ASH2L: variants seen among roughly 807,000 people sequenced by gnomAD.
The protein encoded by ASH2L is ASH2 like, histone lysine methyltransferase complex subunit.
A neutral mutation model predicts 81.1 loss-of-function variants in ASH2L; 30 were observed. The ratio of observed to expected loss-of-function variants is 0.37; its 90% CI spans 0.28 to 0.50. ASH2L has a LOEUF of 0.50. Among genes scored for constraint, ASH2L ranks in the 20% least tolerant of loss-of-function variants. The pLI, the probability that ASH2L is intolerant of heterozygous loss-of-function variation, is 0.95. For missense variants in ASH2L, 559 were observed against 792.1 expected (o/e 0.71, Z 3.53); for synonymous variants, 273 against 279.9 (o/e 0.98, Z 0.24).
chr8:38,112,886 C>T (rs935386257), intron 5 of ASH2L, among the ~76,000 whole-genome samples: 1 of 151,898 alleles, frequency 6.6e-6, no homozygotes, highest in East Asian at 1.9e-4. Context: ...AAATAACTTT[C>T]CCTCATTCTT....
intron 10 of ASH2L, among the ~76,000 whole-genome samples, chr8:38,123,817 A>G (rs1801725346): frequency 6.6e-6 from 1 of 152,094 alleles, no homozygotes; most frequent in Non-Finnish European, 1.5e-5. Flanking sequence ...CAGTACATGT[A>G]TATATTCTTT....
At chr8:38,106,083 A>C (rs534369352) in intron 1 of ASH2L, 4 of 1,524,360 alleles carry the variant, frequency 2.6e-6, no homozygotes, top group Non-Finnish European at 3.5e-6. Context: ...TCACTCTGAA[A>C]ACAGGGTGGG....
At chr8:38,124,832 G>A (rs1306765900) in intron 10 of ASH2L, among the ~76,000 whole-genome samples, 5 of 152,210 alleles carry the variant, frequency 3.3e-5, no homozygotes, top group Admixed American at 3.3e-4. Context: ...GAGGACTTGA[G>A]GCTGGGTAAT....
chr8:38,107,862 ACATATATGTGTGTGTGTG>A (rs1362371241), intron 3 of ASH2L, among the ~76,000 whole-genome samples: 18 of 127,022 alleles, frequency 1.4e-4, no homozygotes, highest in African/African-American at 5.4e-4. Flanking sequence ...GTGAAGAAAT[ACATATATGTGTGTGTGTG>A]TGTGTGTGTG....
intron 5 of ASH2L, among the ~76,000 whole-genome samples, chr8:38,111,616 A>G (rs993606928): frequency 3.5e-4 from 50 of 144,152 alleles, no homozygotes; most frequent in African/African-American, 1.1e-3. Context: ...GAACTCCCGT[A>G]CTCAAGTGAT....
In ASH2L at chr8:38,139,213, T is replaced by C. The variant is rs547857312; in HGVS notation, c.*142T>C. On this transcript the variant is annotated 3_prime_UTR_variant, in exon 16 of 16. Coordinates refer to ENST00000343823, the MANE Select transcript of ASH2L (RefSeq NM_004674.5). ...AGCAAGTTAAAAGGCTGGGTAGGACTGCGGGAGACTGCCTGCCTTTCACCA... is the reference window on the plus strand; with the variant it reads ...AGCAAGTTAAAAGGCTGGGTAGGACCGCGGGAGACTGCCTGCCTTTCACCA... 1.6e-6 allele frequency: 1 copy of C among 630,258 alleles called. No homozygotes were observed. Among genetic ancestry groups the C allele is most frequent in the South Asian group, 2.4e-5 (1 of 42,212 alleles). The allele number at this position is 630,258 out of a possible 1,614,324, so 39.0% of individuals were successfully genotyped here.
chr8:38,126,853 C>CAAAAA (rs57920604), intron 10 of ASH2L, among the ~76,000 whole-genome samples: 6 of 129,782 alleles, frequency 4.6e-5, no homozygotes, highest in African/African-American at 1.5e-4. Flanking sequence ...GACTCTGTCT[C>CAAAAA]AAAAAAGAAA....
Position 38,135,752 on chromosome 8 carries a change from T to C in ASH2L, c.1705T>C (p.Tyr569His), listed in dbSNP as rs1417489275. Residue 569 changes from tyrosine (Y) to histidine (H), a missense_variant, in exon 14 of 16, where the codon TAC (tyrosine) becomes CAC (histidine). Tyr to His is a moderately conservative substitution (Grantham distance 83). Coordinates refer to ENST00000343823, the MANE Select transcript of ASH2L (RefSeq NM_004674.5). ...GGTTTACTTCCCAGCCATCTCACTG[T>C]ACAAGAGCTGCACGGTACGTACATG... is the stretch of plus-strand genomic sequence containing the variant. ...EGVYFPAISL[Y>H]KSCTVSINFG... 3 of 1,612,422 alleles carry C rather than the reference T, an allele frequency of 1.9e-6. No homozygotes were observed. Among genetic ancestry groups the C allele is most frequent in the African/African-American group, 1.3e-5 (1 of 74,818 alleles).
intron 4 of ASH2L, 54 bp from the exon 5 acceptor site, chr8:38,110,685 G>A: frequency 3.5e-6 from 5 of 1,415,066 alleles, no homozygotes; most frequent in Middle Eastern, 3.5e-4. Context: ...TATTCCCTTG[G>A]TAGTAGAGAT....
In ASH2L at chr8:38,105,838, G is replaced by C. The variant is rs1173520187; in HGVS notation, c.188+100G>C. The C allele has an allele frequency of 5.5e-6, 8 of 1,445,610 alleles. No homozygotes were observed. The East Asian group carries it at 2.1e-4, about 37-fold the overall frequency. 89.5% of individuals were successfully genotyped at this position (1,445,610 alleles called of 1,614,324 possible). A position where few individuals can be genotyped will look rare whatever the true frequency, so the allele number is the denominator to read the frequency against. ...CTGCCGCCCGCCCCCTGCGAACCCAGGCCCCGCCGCCAATGGCTCGCCCTG... is the reference window on the plus strand; with the variant it reads ...CTGCCGCCCGCCCCCTGCGAACCCACGCCCCGCCGCCAATGGCTCGCCCTG... On this transcript the variant is annotated intron_variant, in intron 1 of 15. Transcript: ENST00000343823.
chr8:38,118,514 T>G (rs1391501332), intron 8 of ASH2L, among the ~76,000 whole-genome samples: 1 of 152,266 alleles, frequency 6.6e-6, no homozygotes. Flanking sequence ...TCCTATTTAT[T>G]GCTTTTAGTT....
At chr8:38,113,844 C>T (rs937109792) in intron 5 of ASH2L, among the ~76,000 whole-genome samples, 2 of 152,154 alleles carry the variant, frequency 1.3e-5, no homozygotes, top group African/African-American at 4.8e-5. Flanking sequence ...AGAGATGTCT[C>T]AGCTGGTAGA....
chr8:38,128,375 G>A lies in ASH2L; in HGVS notation c.1250G>A (p.Arg417Gln). 1 of 1,614,138 alleles carries A rather than the reference G, an allele frequency of 6.2e-7. No individual in the cohort carries two copies. Residue 417 changes from arginine (R) to glutamine (Q), a missense_variant, in exon 11 of 16, where the codon CGG (arginine) becomes CAG (glutamine). Arg to Gln is a conservative substitution (Grantham distance 43, BLOSUM62 1). Around this residue, in one of 4 missense-constraint regions of ASH2L, gnomAD observed 318 missense variants for 527.0 expected, o/e 0.60. Coordinates refer to ENST00000343823, the MANE Select transcript of ASH2L (RefSeq NM_004674.5). ...YSMVRASHGV[R>Q]KGAWYFEITV... ...ATGGTGAGGGCCTCTCATGGAGTAC[G>A]GAAAGGTGCCTGGTATTTTGAAATC...
intron 14 of ASH2L, chr8:38,137,467 G>A (rs1802310091): frequency 6.6e-6 from 1 of 152,220 alleles, no homozygotes. Context: ...GGAGGCCGAG[G>A]CAGGAGAATG....
intron 12 of ASH2L, among the ~76,000 whole-genome samples, chr8:38,130,077 G>A (rs1801996854): frequency 6.6e-6 from 1 of 152,160 alleles, no homozygotes; most frequent in Non-Finnish European, 1.5e-5. Flanking sequence ...TGATGGGTGT[G>A]TAGTAGTATC....
At chr8:38,128,055 A>AAG (rs1446250909) in intron 10 of ASH2L, among the ~76,000 whole-genome samples, 2 of 151,728 alleles carry the variant, frequency 1.3e-5, no homozygotes, top group African/African-American at 4.8e-5. Context: ...CAAAAAAAAA[A>AAG]AGATAATCAC....
At chr8:38,107,712 T>C (rs1473321025) in intron 3 of ASH2L, among the ~76,000 whole-genome samples, 1 of 152,174 alleles carries the variant, frequency 6.6e-6, no homozygotes. Flanking sequence ...TTTTTCCTTA[T>C]ACTGACTGTC....
intron 4 of ASH2L, 40 bp from the exon 5 acceptor site, chr8:38,110,699 G>GTACTACATCTC: frequency 6.7e-7 from 1 of 1,484,634 alleles, no homozygotes; most frequent in Non-Finnish European, 9.4e-7. Context: ...TAGAGATGTA[G>GTACTACATCTC]TACTACAGAT....
At chr8:38,111,178 G>T (rs898496151) in intron 5 of ASH2L, among the ~76,000 whole-genome samples, 3 of 152,056 alleles carry the variant, frequency 2.0e-5, no homozygotes, top group Admixed American at 6.6e-5. Flanking sequence ...TGATCCACTG[G>T]CTTCGGCCTC....
Sources: gnomAD v4.1 joint callset for allele counts (sites outside exome capture counted in the v4.1 genomes callset) on GRCh38, gnomAD v4.1.1 for gene constraint, gnomAD v4.1.1 regional missense constraint, MANE v1.5 for transcripts, NCBI Gene and HGNC (gene_info 2026-07-23, HGNC 2026-07-21) for gene names.